Variants in ACOT11 observed in about 807,000 individuals in gnomAD.
ACOT11 encodes acyl-coenzyme A thioesterase 11.
Under a neutral mutation model 77.5 loss-of-function variants are expected in ACOT11, and 69 were observed. That is an observed-to-expected ratio of 0.89 (90% CI 0.73 to 1.09). The LOEUF (loss-of-function observed/expected upper bound fraction) is 1.09, where lower values mean the gene tolerates loss of function less well. Ranked by LOEUF, ACOT11 falls within the 50% of genes least tolerant of loss-of-function variation. The pLI, the probability that ACOT11 is intolerant of heterozygous loss-of-function variation, is 0.00. For synonymous variants in ACOT11, 279 were observed against 313.0 expected (o/e 0.89, Z 1.15); for missense variants, 766 against 813.7 (o/e 0.94, Z 0.71).
rs780873445 is a variant in ACOT11 at position 54,548,295 on chromosome 1, C to T, written c.-15C>T. ...GTCTCTGGGAGGGCGCTGCTTTCCC[C>T]GGCCACCCGGCGCGATGATCCAGAA... On this transcript the variant is annotated 5_prime_UTR_variant, in exon 1 of 16. Coordinates refer to ENST00000343744, the MANE Select transcript of ACOT11 (RefSeq NM_147161.4). 1.9e-5 allele frequency: 30 copies of T among 1,590,982 alleles called. No individual in the cohort carries two copies. Among genetic ancestry groups the T allele is most frequent in the African/African-American group, 5.4e-5 (4 of 74,524 alleles).
chr1:54,590,458 A>C (rs1172777), intron 3 of ACOT11, among the ~76,000 whole-genome samples: 2,759 of 152,152 alleles, frequency 0.018, 77 homozygotes, highest in African/African-American at 0.062. Flanking sequence ...GACAGAGGGC[A>C]GTCAGGAAGG....
Position 54,584,782 on chromosome 1 carries a change from T to C in ACOT11, c.161T>C (p.Leu54Pro), listed in dbSNP as rs1332546596. 1.1e-5 allele frequency: 18 copies of C among 1,613,636 alleles called. No individual in the cohort carries two copies. The highest frequency in any genetic ancestry group is 1.4e-5 in the Non-Finnish European group (17 of 1,179,994). The change falls in exon 2 of 16, where the codon CTG (leucine) becomes CCG (proline). Residue 54 changes from leucine to proline, a missense_variant. Transcript: ENST00000343744. This position sits in a 1 kb window ranked among gnomAD's most constrained non-coding sequence, Gnocchi z 6.3. ...GAGGTGCAGATGAGCCAGCTGGTGC[T>C]GCCCTGCCACACCAACCAACGTGGT... ...PTEVQMSQLV[L>P]PCHTNQRGEL... is the part of the protein sequence containing the mutation.
rs1351375175 is a variant in ACOT11 at position 54,603,947 on chromosome 1, T to C, written c.1152+10T>C. On this transcript the variant is annotated intron_variant, in intron 11 of 15. Transcript: ENST00000343744. ...GGACCCTAGCAACCAGGTAAGGCTC[T>C]CTGCTCCGAGAGGACAGTCTTCAGA... is the stretch of plus-strand genomic sequence containing the variant. 1 of 1,613,700 alleles carries C rather than the reference T, an allele frequency of 6.2e-7. No homozygotes were observed. The highest frequency in any genetic ancestry group is 8.5e-7 in the Non-Finnish European group (1 of 1,179,630).
downstream of ACOT11, among the ~76,000 whole-genome samples, chr1:54,615,261 G>A (rs1435806231): frequency 6.6e-6 from 1 of 152,166 alleles, no homozygotes; most frequent in African/African-American, 2.4e-5. Context: ...GTGCATTTGA[G>A]TAGAGGAGGA....
chr1:54,560,784 C>T (rs299859), intron 1 of ACOT11, among the ~76,000 whole-genome samples: 79,348 of 151,684 alleles, frequency 0.52, 21,008 homozygotes, highest in African/African-American at 0.57. Flanking sequence ...TGCAATGGCG[C>T]GATCTTGGCT....
chr1:54,566,377 A>T (rs1653730371), intron 1 of ACOT11, among the ~76,000 whole-genome samples: 1 of 151,694 alleles, frequency 6.6e-6, no homozygotes. Context: ...GAATCGCTAG[A>T]ACCCGGGAGA....
At chr1:54,562,679 C>T (rs1653576603) in intron 1 of ACOT11, among the ~76,000 whole-genome samples, 1 of 113,696 alleles carries the variant, frequency 8.8e-6, no homozygotes, top group Admixed American at 7.9e-5. Context: ...AGGGTCTCCT[C>T]ACTTCTCAGA....
chr1:54,592,429 G>A, intron 3 of ACOT11, 117 bp from the exon 4 acceptor site: 1 of 986,914 alleles, frequency 1.0e-6, no homozygotes, highest in South Asian at 1.7e-5. Context: ...AATATGCCCT[G>A]CAAGCCATGA....
Position 54,562,776 on chromosome 1 carries a change from G to A in ACOT11, c.33+14434G>A, listed in dbSNP as rs572640021. Among the ~76,000 whole-genome samples the A allele has an allele frequency of 7.2e-5, 6 of 83,582 alleles. No individual in the cohort carries two copies. In the East Asian group the frequency reaches 8.9e-4, roughly 12 times the overall value. The allele number at this position is 83,582 out of a possible 152,430, so 54.8% of individuals were successfully genotyped here. On this transcript the variant is annotated intron_variant, in intron 1 of 15. Coordinates refer to ENST00000343744, the MANE Select transcript of ACOT11 (RefSeq NM_147161.4). ...CTCCTCACATCCCAGATGGGGCGGCGGGGCAGAGGCGCTCCCCACATCTCA... is the reference window on the plus strand; with the variant it reads ...CTCCTCACATCCCAGATGGGGCGGCAGGGCAGAGGCGCTCCCCACATCTCA...
At position 54,584,802 on chromosome 1, in the gene ACOT11, CGTG is replaced by C. The variant is rs1557656481; in HGVS notation, c.185_187del (p.Gly62del). 1.2e-6 allele frequency: 2 copies of C among 1,614,128 alleles called. No individual in the cohort carries two copies. The highest frequency in any genetic ancestry group is 8.5e-7 in the Non-Finnish European group (1 of 1,180,042). ...GGTGCTGCCCTGCCACACCAACCAA[CGTG>C]GTGAGCTGAGCGTCGGGCAGCTGCT... On this transcript the variant is annotated inframe_deletion, in exon 2 of 16. Coordinates refer to ENST00000343744, the MANE Select transcript of ACOT11 (RefSeq NM_147161.4). The surrounding 1 kb of genome is among the most constrained non-coding windows in gnomAD (Gnocchi z 6.3).
chr1:54,579,381 G>A (rs1476949658), intron 1 of ACOT11, among the ~76,000 whole-genome samples: 3 of 152,194 alleles, frequency 2.0e-5, no homozygotes, highest in Admixed American at 2.0e-4. Context: ...TCCTGTGTGT[G>A]TCCCGGGTAT....
At chr1:54,551,230 G>A (rs999941838) in intron 1 of ACOT11, among the ~76,000 whole-genome samples, 2 of 152,054 alleles carry the variant, frequency 1.3e-5, no homozygotes, top group Admixed American at 6.6e-5. Flanking sequence ...AGAAGAGGGG[G>A]TCTCAGATAA....
intron 1 of ACOT11, among the ~76,000 whole-genome samples, chr1:54,562,583 G>A (rs1653570654): frequency 6.8e-6 from 1 of 147,954 alleles, no homozygotes; most frequent in Non-Finnish European, 1.5e-5. Flanking sequence ...GGTGGCTGCC[G>A]GGCGGAGAGG....
intron 1 of ACOT11, among the ~76,000 whole-genome samples, chr1:54,571,283 CTT>C (rs1653922949): frequency 6.6e-6 from 1 of 152,140 alleles, no homozygotes; most frequent in African/African-American, 2.4e-5. Context: ...TTTCTTCTCT[CTT>C]TCTCTTCACC....
At chr1:54,616,598 C>G (rs1021205864) in intron 15 of ACOT11, among the ~76,000 whole-genome samples, 2 of 152,132 alleles carry the variant, frequency 1.3e-5, no homozygotes, top group African/African-American at 4.8e-5. Context: ...TCTCAGAACT[C>G]CTGACCTCAA....
intron 2 of ACOT11, among the ~76,000 whole-genome samples, chr1:54,585,455 G>C (rs942856194): frequency 3.3e-5 from 5 of 152,174 alleles, no homozygotes; most frequent in East Asian, 1.9e-4. Context: ...TTGAAGGGAC[G>C]GGGGCTCCAG....
chr1:54,551,474 C>T (rs1490322872), intron 1 of ACOT11, among the ~76,000 whole-genome samples: 1 of 152,190 alleles, frequency 6.6e-6, no homozygotes, highest in Non-Finnish European at 1.5e-5. Flanking sequence ...CAATCCTTGC[C>T]TCTCCCCGTG....
At chr1:54,581,788 C>A (rs754572704) in intron 1 of ACOT11, among the ~76,000 whole-genome samples, 1 of 152,158 alleles carries the variant, frequency 6.6e-6, no homozygotes, top group East Asian at 1.9e-4. Context: ...TATGACTGGC[C>A]CTGGGAGGAG....
Position 54,594,534 on chromosome 1 carries a change from C to T in ACOT11, c.472-22C>T, listed in dbSNP as rs761703289. The T allele has an allele frequency of 3.7e-6, 6 of 1,604,208 alleles. No homozygotes were observed. In the Admixed American group the frequency reaches 5.1e-5, roughly 14 times the overall value. On this transcript the variant is annotated intron_variant, in intron 5 of 15. Coordinates refer to ENST00000343744, the MANE Select transcript of ACOT11 (RefSeq NM_147161.4). Reference sequence around the variant, plus strand: ...CAGGAGACTTGCCCTGAGTGTCCCCCACCCTGTCCCCTGGCCGACAGGTGA... The same window carrying T: ...CAGGAGACTTGCCCTGAGTGTCCCCTACCCTGTCCCCTGGCCGACAGGTGA...
Sources: gnomAD v4.1 joint callset for allele counts (sites outside exome capture counted in the v4.1 genomes callset) on GRCh38, gnomAD v4.1.1 for gene constraint, Gnocchi (gnomAD v3.1) non-coding constraint, MANE v1.5 for transcripts, NCBI Gene and HGNC (gene_info 2026-07-23, HGNC 2026-07-21) for gene names.